The following ERBB4 variants were observed in gnomAD, a reference collection of about 807,000 sequenced individuals.
ERBB4 encodes the protein receptor tyrosine-protein kinase erbB-4.
ERBB4 carries 42 observed loss-of-function variants against 158.0 expected under a neutral mutation model. The observed-to-expected ratio is 0.27, with a 90% confidence interval of 0.21 to 0.34. ERBB4 has a LOEUF of 0.34. ERBB4 is among the 10% of genes least tolerant of loss of function. The pLI is 1.00. For synonymous variants in ERBB4, 583 were observed against 558.7 expected, an observed-to-expected ratio of 1.04 and a Z score of -0.61; for missense variants, 1,333 against 1,624.1, an observed-to-expected ratio of 0.82 and a Z score of 3.08.
At chr2:212,373,076 A>G (rs1396845376) in intron 1 of ERBB4, among the ~76,000 whole-genome samples, 3 of 152,218 alleles carry the variant, frequency 2.0e-5, no homozygotes, top group African/African-American at 7.2e-5. Flanking sequence ...AGAAATGATA[A>G]TGATGGGGTT....
chr2:211,557,817 C>T (rs148034017), intron 20 of ERBB4, among the ~76,000 whole-genome samples: 64 of 152,216 alleles, frequency 4.2e-4, no homozygotes, highest in African/African-American at 8.9e-4. Context: ...CACATGCACA[C>T]GTATGTTCAT....
intron 1 of ERBB4, among the ~76,000 whole-genome samples, chr2:212,339,160 C>T (rs13387445): frequency 0.082 from 12,482 of 152,068 alleles, 614 homozygotes; most frequent in Middle Eastern, 0.13. Context: ...AATTCTCTCC[C>T]TCCCCAACCC....
chr2:212,004,331 A>G (rs72613739), intron 2 of ERBB4, among the ~76,000 whole-genome samples: 12,312 of 152,208 alleles, frequency 0.081, 1,377 homozygotes, highest in East Asian at 0.59. Context: ...TCCATCACCA[A>G]ATAAGATACC....
intron 1 of ERBB4, among the ~76,000 whole-genome samples, chr2:212,513,858 A>C (rs1691671899): frequency 6.6e-6 from 1 of 151,724 alleles, no homozygotes; most frequent in Non-Finnish European, 1.5e-5. Context: ...TAAGTTTTCA[A>C]AGACCATACA....
intron 25 of ERBB4, among the ~76,000 whole-genome samples, chr2:211,389,714 T>C (rs951108355): frequency 2.6e-5 from 4 of 152,140 alleles, no homozygotes; most frequent in Non-Finnish European, 5.9e-5. Context: ...GTTCCAATGA[T>C]AAGTGGTGTG....
intron 2 of ERBB4, among the ~76,000 whole-genome samples, chr2:212,024,072 T>C (rs2076719460): frequency 6.6e-6 from 1 of 151,954 alleles, no homozygotes; most frequent in East Asian, 1.9e-4. Flanking sequence ...TCTTCCCTTC[T>C]CTCCCCTTTT....
Position 211,956,368 on chromosome 2 carries a change from A to G in ERBB4, c.235-8752T>C, listed in dbSNP as rs75375442. ...TCGGCACTTTCGTACAACTGAAGCT[A>G]TACCTGAATCAAAGCGTCGTAATGT... On this transcript the variant is annotated intron_variant, in intron 2 of 27. Coordinates refer to ENST00000342788, the MANE Select transcript of ERBB4 (RefSeq NM_005235.3). Among the ~76,000 whole-genome samples the G allele has an allele frequency of 2.9e-3, 444 of 152,234 alleles. 1 individual carries two copies. Among genetic ancestry groups the G allele is most frequent in the Non-Finnish European group, 4.6e-3 (316 of 68,008 alleles).
At chr2:212,191,985 ATATGT>A (rs1325094944) in intron 1 of ERBB4, among the ~76,000 whole-genome samples, 1 of 82,636 alleles carries the variant, frequency 1.2e-5, no homozygotes, top group African/African-American at 4.7e-5. Context: ...TATATATGTT[ATATGT>A]TATATATGTT....
chr2:212,464,892 TCACACACACACACACA>T (rs148243973), intron 1 of ERBB4, among the ~76,000 whole-genome samples: 14 of 146,046 alleles, frequency 9.6e-5, no homozygotes, highest in African/African-American at 3.5e-4. Flanking sequence ...AAGGGAAACA[TCACACACACACACACA>T]CACACACACA....
intron 1 of ERBB4, among the ~76,000 whole-genome samples, chr2:212,402,063 A>G (rs1478859458): frequency 6.6e-6 from 1 of 152,130 alleles, no homozygotes; most frequent in African/African-American, 2.4e-5. Flanking sequence ...CCTTTGTACT[A>G]AAGTTCACAG....
intron 1 of ERBB4, among the ~76,000 whole-genome samples, chr2:212,341,081 T>C (rs966062092): frequency 5.9e-5 from 9 of 152,058 alleles, no homozygotes; most frequent in Admixed American, 2.0e-4. Flanking sequence ...GAAATCCTTT[T>C]ATATTTTTTT....
chr2:212,280,160 G>A (rs1048412502), intron 1 of ERBB4, among the ~76,000 whole-genome samples: 1 of 151,532 alleles, frequency 6.6e-6, no homozygotes, highest in Admixed American at 6.6e-5. Flanking sequence ...ATAATAAAAG[G>A]TTGTACCTCA....
chr2:211,557,807 C>T (rs968373937), intron 20 of ERBB4, among the ~76,000 whole-genome samples: 28 of 152,098 alleles, frequency 1.8e-4, no homozygotes, highest in African/African-American at 6.5e-4. Context: ...ATTATAAAGA[C>T]ACATGCACAC....
intron 19 of ERBB4, among the ~76,000 whole-genome samples, chr2:211,565,659 G>A (rs750587215): frequency 6.6e-6 from 1 of 152,122 alleles, no homozygotes; most frequent in Non-Finnish European, 1.5e-5. Context: ...GTTCAGCTGT[G>A]CCTTACAAGA....
At chr2:211,919,266 G>T (rs1335179393) in intron 3 of ERBB4, among the ~76,000 whole-genome samples, 1 of 151,878 alleles carries the variant, frequency 6.6e-6, no homozygotes, top group African/African-American at 2.4e-5. Context: ...CTTCCAAATG[G>T]GGAAAAAGGT....
intron 3 of ERBB4, among the ~76,000 whole-genome samples, chr2:211,875,413 C>G (rs1365486096): frequency 6.6e-6 from 1 of 152,008 alleles, no homozygotes; most frequent in African/African-American, 2.4e-5. Flanking sequence ...AGATGCATTC[C>G]TTTATTTGCC....
intron 2 of ERBB4, among the ~76,000 whole-genome samples, chr2:212,117,691 T>A (rs1478173365): frequency 2.0e-5 from 3 of 152,184 alleles, no homozygotes; most frequent in African/African-American, 7.2e-5. Flanking sequence ...TGCACTTAAA[T>A]CATCTTTTTT....
At chr2:211,940,690 C>A (rs2080469848) in intron 3 of ERBB4, among the ~76,000 whole-genome samples, 2 of 152,212 alleles carry the variant, frequency 1.3e-5, no homozygotes, top group South Asian at 4.1e-4. Flanking sequence ...CTGAGCAGAT[C>A]ATCTTGCCAG....
At chr2:212,223,642 A>C (rs2083378703) in intron 1 of ERBB4, among the ~76,000 whole-genome samples, 1 of 151,564 alleles carries the variant, frequency 6.6e-6, no homozygotes, top group South Asian at 2.1e-4. Flanking sequence ...TGTAAATGCC[A>C]TAGTTACCTC....
Sources: gnomAD v4.1 joint callset for allele counts (sites outside exome capture counted in the v4.1 genomes callset) on GRCh38, gnomAD v4.1.1 for gene constraint, MANE v1.5 for transcripts, NCBI Gene and HGNC (gene_info 2026-07-23, HGNC 2026-07-21) for gene names.